PRTG: variants seen among roughly 807,000 people sequenced by gnomAD.
The protein encoded by PRTG is protogenin.
In PRTG, 67 loss-of-function variants were observed where a neutral mutation model predicts 122.5. The observed-to-expected ratio is 0.55, with a 90% CI of 0.45 to 0.67. The LOEUF is 0.67. PRTG is among the 30% of genes least tolerant of loss of function. The probability of loss-of-function intolerance (pLI) is 0.00; values close to 1 mark genes in which losing one functional copy is unlikely to be tolerated. For synonymous variants in PRTG, 554 were observed against 501.1 expected (o/e 1.11, Z -1.41); for missense variants, 1,435 against 1,415.4 (o/e 1.01, Z -0.22).
At chr15:55,639,591 G>A (rs573243662) in intron 13 of PRTG, 51 bp downstream of exon 13, 1 of 1,502,042 alleles carries the variant, frequency 6.7e-7, no homozygotes, top group African/African-American at 1.4e-5. Context: ...AGTTGGAGTG[G>A]GGGTGTGGTG....
intron 2 of PRTG, among the ~76,000 whole-genome samples, chr15:55,719,889 C>CGT (rs1159701731): frequency 1.4e-5 from 2 of 147,636 alleles, no homozygotes; most frequent in East Asian, 4.1e-4. Flanking sequence ...TGAAATCCCA[C>CGT]CTCTACTAAA....
intron 11 of PRTG, among the ~76,000 whole-genome samples, chr15:55,664,390 G>C (rs1454957526): frequency 6.6e-6 from 1 of 152,070 alleles, no homozygotes; most frequent in Admixed American, 6.5e-5. Flanking sequence ...TGATCCACCC[G>C]CCTCGATCTC....
At chr15:55,682,852 C>A (rs571396303) in intron 3 of PRTG, among the ~76,000 whole-genome samples, 1 of 152,092 alleles carries the variant, frequency 6.6e-6, no homozygotes, top group African/African-American at 2.4e-5. Context: ...TGTGAGCCAC[C>A]GTGCCGGGCT....
chr15:55,669,994 G>A (rs1254228980), intron 11 of PRTG, among the ~76,000 whole-genome samples: 1 of 152,038 alleles, frequency 6.6e-6, no homozygotes, highest in African/African-American at 2.4e-5. Flanking sequence ...TAAAAACAAG[G>A]GCAGGAATAT....
At chr15:55,715,692 T>A (rs2030574590) in intron 2 of PRTG, among the ~76,000 whole-genome samples, 1 of 152,176 alleles carries the variant, frequency 6.6e-6, no homozygotes, top group South Asian at 2.1e-4. Flanking sequence ...AAGTCCAAAC[T>A]AGAGTTCCGT....
intron 9 of PRTG, among the ~76,000 whole-genome samples, chr15:55,675,211 G>T (rs1440777581): frequency 6.6e-6 from 1 of 152,018 alleles, no homozygotes; most frequent in African/African-American, 2.4e-5. Context: ...AGTCATTACA[G>T]TTATTCATGC....
At chr15:55,642,180 CAAA>C (rs761440348) in intron 11 of PRTG, among the ~76,000 whole-genome samples, 804 of 66,754 alleles carry the variant, frequency 0.012, 6 homozygotes, top group African/African-American at 0.039. Context: ...GACTCCGTCT[CAAA>C]AAAAAAAAAA....
intron 11 of PRTG, chr15:55,656,324 C>T (rs953038207): frequency 2.2e-6 from 1 of 455,058 alleles, no homozygotes; most frequent in Non-Finnish European, 4.4e-6. Context: ...ACAATCCGGA[C>T]TTATCTGATG....
intron 11 of PRTG, among the ~76,000 whole-genome samples, chr15:55,647,674 T>C (rs1232968543): frequency 1.3e-5 from 2 of 152,204 alleles, no homozygotes; most frequent in Non-Finnish European, 2.9e-5. Context: ...ATTGTTGCCA[T>C]GTGAGTAAAG....
intron 2 of PRTG, among the ~76,000 whole-genome samples, chr15:55,719,757 G>T (rs550275322): frequency 6.6e-6 from 1 of 152,190 alleles, no homozygotes; most frequent in African/African-American, 2.4e-5. Context: ...CAAAATTCTT[G>T]TCTTAAAAAC....
At chr15:55,620,889 A>G in intron 18 of PRTG, 122 bp from the exon 19 acceptor site, 1 of 869,966 alleles carries the variant, frequency 1.1e-6, no homozygotes, top group Non-Finnish European at 1.7e-6. Flanking sequence ...TTTTTATTTT[A>G]TTTTAGATTC....
chr15:55,734,690 GT>G (rs1307336099), intron 2 of PRTG, among the ~76,000 whole-genome samples: 3 of 151,956 alleles, frequency 2.0e-5, no homozygotes, highest in African/African-American at 7.2e-5. Context: ...CTTCTGCTCA[GT>G]CTATAAGATT....
chr15:55,724,118 G>A (rs528123799), intron 2 of PRTG, among the ~76,000 whole-genome samples: 1 of 152,120 alleles, frequency 6.6e-6, no homozygotes, highest in South Asian at 2.1e-4. Flanking sequence ...TCCGGAGAAC[G>A]TTTTATGTGC....
In PRTG at chr15:55,638,677, C is replaced by G; in HGVS notation, c.2325-1G>C. On this transcript the variant is annotated splice_acceptor_variant, in intron 13 of 19. Coordinates refer to ENST00000389286, the MANE Select transcript of PRTG (RefSeq NM_173814.6). LOFTEE classifies it high-confidence loss of function. ...TTGAACCAACATGTGAGTTTCTGAT[C>G]TATAATAACGAGTGATGAAGTTGTT... 1 of 1,611,016 alleles carries G rather than the reference C, an allele frequency of 6.2e-7. No individual in the cohort carries two copies. The highest frequency in any genetic ancestry group is 1.1e-5 in the South Asian group (1 of 90,354).
At chr15:55,724,271 T>C (rs1005533208) in intron 2 of PRTG, among the ~76,000 whole-genome samples, 9 of 152,200 alleles carry the variant, frequency 5.9e-5, no homozygotes, top group Non-Finnish European at 1.2e-4. Context: ...TTGAGTGTAG[T>C]TGTGTTGAGG....
At chr15:55,650,120 T>C (rs1288450554) in intron 11 of PRTG, among the ~76,000 whole-genome samples, 1 of 152,224 alleles carries the variant, frequency 6.6e-6, no homozygotes, top group East Asian at 1.9e-4. Flanking sequence ...ATTAACACGC[T>C]GTGTGGCTAT....
intron 2 of PRTG, among the ~76,000 whole-genome samples, chr15:55,727,015 G>C (rs1364141810): frequency 6.6e-6 from 1 of 151,168 alleles, no homozygotes; most frequent in African/African-American, 2.4e-5. Context: ...AGTGGAAGCA[G>C]TGCTCAGAGG....
intron 15 of PRTG, among the ~76,000 whole-genome samples, chr15:55,631,561 G>A (rs1362883186): frequency 1.3e-5 from 2 of 152,192 alleles, no homozygotes; most frequent in Non-Finnish European, 2.9e-5. Flanking sequence ...AGTGATCTCA[G>A]TGATCTGTCT....
chr15:55,663,884 C>G (rs1953183155), intron 11 of PRTG, among the ~76,000 whole-genome samples: 1 of 152,120 alleles, frequency 6.6e-6, no homozygotes, highest in South Asian at 2.1e-4. Flanking sequence ...TGAAGTCATA[C>G]AGAATGTAAC....
Sources: allele counts gnomAD v4.1 joint callset (sites outside exome capture counted in the v4.1 genomes callset), GRCh38; gene constraint gnomAD v4.1.1; transcripts MANE v1.5; gene names NCBI Gene and HGNC (gene_info 2026-07-23, HGNC 2026-07-21).